CDKAL1: variants seen among roughly 807,000 people sequenced by gnomAD.
The protein encoded by CDKAL1 is threonylcarbamoyladenosine tRNA methylthiotransferase.
CDKAL1 carries 32 observed loss-of-function variants against 68.2 expected under a neutral mutation model. The ratio of observed to expected loss-of-function variants is 0.47; its 90% CI spans 0.35 to 0.63. The LOEUF is 0.63. CDKAL1 is among the 30% of genes least tolerant of loss of function. CDKAL1 has a pLI of 0.00. For synonymous variants in CDKAL1, 234 were observed against 244.3 expected, an observed-to-expected ratio of 0.96 and a Z score of 0.39; for missense variants, 606 against 696.7, an observed-to-expected ratio of 0.87 and a Z score of 1.47.
chr6:21,217,709 A>G (rs1779392572), intron 15 of CDKAL1, among the ~76,000 whole-genome samples: 1 of 151,970 alleles, frequency 6.6e-6, no homozygotes, highest in African/African-American at 2.4e-5. Context: ...TGTTGGCCAC[A>G]CTGGTCTCGA....
At position 20,593,312 on chromosome 6, in the gene CDKAL1, G is replaced by T. The variant is rs1561950151; in HGVS notation, c.286+44607G>T. On this transcript the variant is annotated intron_variant, in intron 4 of 15. Transcript: ENST00000274695. ...TCCATGTGGTCCTGGGCTTTGTTTT[G>T]GTTGGTAGGCTATTAATTACTGCCT... 4.6e-5 allele frequency among the ~76,000 whole-genome samples: 7 copies of T among 152,160 alleles called. No homozygotes were observed. The South Asian group carries it at 1.5e-3, about 32-fold the overall frequency.
intron 13 of CDKAL1, among the ~76,000 whole-genome samples, chr6:21,158,321 A>C (rs572856728): frequency 5.8e-4 from 89 of 152,344 alleles, no homozygotes; most frequent in Non-Finnish European, 9.3e-4. Context: ...GTCCCAATGC[A>C]TCAAATTATC....
intron 13 of CDKAL1, among the ~76,000 whole-genome samples, chr6:21,176,799 A>G (rs1777601593): frequency 6.9e-6 from 1 of 144,926 alleles, no homozygotes; most frequent in South Asian, 2.1e-4. Flanking sequence ...GCTTCAAGTG[A>G]TTCTCTTGCC....
intron 12 of CDKAL1, among the ~76,000 whole-genome samples, chr6:21,083,994 T>C (rs1335615438): frequency 6.6e-6 from 1 of 152,200 alleles, no homozygotes; most frequent in Non-Finnish European, 1.5e-5. Context: ...GATCACTTGG[T>C]TCAGGTGTTA....
chr6:21,223,206 T>A (rs1220531229), intron 15 of CDKAL1, among the ~76,000 whole-genome samples: 1 of 152,206 alleles, frequency 6.6e-6, no homozygotes, highest in South Asian at 2.1e-4. Flanking sequence ...GTGCCCTTGC[T>A]CTTTCTCATT....
intron 4 of CDKAL1, among the ~76,000 whole-genome samples, chr6:20,584,980 A>G (rs190547657): frequency 4.5e-4 from 67 of 149,440 alleles, no homozygotes; most frequent in African/African-American, 1.4e-3. Context: ...TCTCTGTTGG[A>G]TCATTTTCCT....
chr6:21,198,085 A>G lies in CDKAL1; in HGVS notation c.1364A>G (p.His455Arg). The G allele has an allele frequency of 1.2e-6, 2 of 1,601,646 alleles. No individual in the cohort carries two copies. Among genetic ancestry groups the G allele is most frequent in the East Asian group, 2.3e-5 (1 of 44,442 alleles). ...ESFDSKFYVA[H>R]NQFYEQVLVP... is the part of the protein sequence containing the mutation. ...TTTGATTCCAAGTTTTATGTTGCAC[A>G]CAATCAATTCTATGAGCAGGTAAGA... The change falls in exon 14 of 16, where the codon CAC becomes CGC. Residue 455 changes from histidine to arginine, a missense_variant. His to Arg is a conservative substitution (Grantham distance 29). Transcript: ENST00000274695.
At chr6:20,973,414 A>T (rs1765688527) in intron 10 of CDKAL1, among the ~76,000 whole-genome samples, 1 of 152,180 alleles carries the variant, frequency 6.6e-6, no homozygotes, top group Non-Finnish European at 1.5e-5. Flanking sequence ...AAAGCTAGCC[A>T]GTGAGCGGGG....
intron 4 of CDKAL1, among the ~76,000 whole-genome samples, chr6:20,602,895 T>G (rs1391463697): frequency 1.3e-5 from 2 of 152,198 alleles, no homozygotes; most frequent in African/African-American, 4.8e-5. Flanking sequence ...ACATCCAGTT[T>G]CTCAGTGTGA....
intron 13 of CDKAL1, among the ~76,000 whole-genome samples, chr6:21,176,170 A>G (rs1334566157): frequency 6.6e-6 from 1 of 152,266 alleles, no homozygotes; most frequent in Non-Finnish European, 1.5e-5. Flanking sequence ...TTCCTGTTGT[A>G]CATCCTTAGG....
intron 13 of CDKAL1, among the ~76,000 whole-genome samples, chr6:21,176,689 T>G (rs914643313): frequency 7.4e-6 from 1 of 135,438 alleles, no homozygotes; most frequent in Non-Finnish European, 1.6e-5. Flanking sequence ...TTGGTTTTTT[T>G]TTTTTTGTTT....
chr6:20,703,039 C>A (rs1242299335), intron 5 of CDKAL1, among the ~76,000 whole-genome samples: 1 of 152,202 alleles, frequency 6.6e-6, no homozygotes, highest in East Asian at 1.9e-4. Context: ...TCACAACTTA[C>A]TGTAATATGG....
chr6:21,066,724 C>T (rs146210683), intron 12 of CDKAL1, among the ~76,000 whole-genome samples: 2 of 152,328 alleles, frequency 1.3e-5, no homozygotes, highest in African/African-American at 4.8e-5. Flanking sequence ...TGGGCTCAAG[C>T]AGTCCTTCCA....
chr6:21,156,737 A>G (rs1776666460), intron 13 of CDKAL1, among the ~76,000 whole-genome samples: 1 of 152,032 alleles, frequency 6.6e-6, no homozygotes, highest in South Asian at 2.1e-4. Context: ...CAGCCACTGG[A>G]GAATTTGTGT....
chr6:20,831,883 G>T (rs944651127), intron 8 of CDKAL1, among the ~76,000 whole-genome samples: 1 of 152,092 alleles, frequency 6.6e-6, no homozygotes, highest in Non-Finnish European at 1.5e-5. Context: ...GAGTTCTTCG[G>T]CATCTTCTCA....
intron 15 of CDKAL1, among the ~76,000 whole-genome samples, chr6:21,223,903 G>T (rs1779629032): frequency 6.6e-6 from 1 of 152,176 alleles, no homozygotes; most frequent in Non-Finnish European, 1.5e-5. Context: ...CGGCCGTGGA[G>T]GTTTGCTGTC....
chr6:20,920,202 T>A (rs920210219), intron 9 of CDKAL1, among the ~76,000 whole-genome samples: 23 of 152,222 alleles, frequency 1.5e-4, no homozygotes. Context: ...GCATCTCTTT[T>A]GGTCTGACTG....
chr6:21,154,407 AG>A (rs1776548251), intron 13 of CDKAL1, among the ~76,000 whole-genome samples: 1 of 152,238 alleles, frequency 6.6e-6, no homozygotes, highest in African/African-American at 2.4e-5. Flanking sequence ...TTAACTAATG[AG>A]TAACTTACTT....
chr6:20,672,762 T>C (rs1395533578), intron 5 of CDKAL1, among the ~76,000 whole-genome samples: 1 of 152,174 alleles, frequency 6.6e-6, no homozygotes, highest in Non-Finnish European at 1.5e-5. Context: ...TTGGTATTTG[T>C]ATTGGTAAAT....
Sources: gnomAD v4.1 joint callset for allele counts (sites outside exome capture counted in the v4.1 genomes callset) on GRCh38, gnomAD v4.1.1 for gene constraint, MANE v1.5 for transcripts, NCBI Gene and HGNC (gene_info 2026-07-23, HGNC 2026-07-21) for gene names.